Variants in CACNA2D1 observed in about 807,000 individuals in gnomAD.
The protein encoded by CACNA2D1 is voltage-dependent calcium channel subunit alpha-2/delta-1.
Under a neutral mutation model 171.5 loss-of-function variants are expected in CACNA2D1, and 53 were observed. The ratio of observed to expected loss-of-function variants is 0.31; its 90% CI spans 0.25 to 0.39. CACNA2D1 has a LOEUF of 0.39. Among genes scored for constraint, CACNA2D1 ranks in the 10% least tolerant of loss-of-function variants. The probability of loss-of-function intolerance (pLI) is 1.00; values close to 1 mark genes in which losing one functional copy is unlikely to be tolerated. For synonymous variants in CACNA2D1, 442 were observed against 443.1 expected (o/e 1.00, Z 0.03); for missense variants, 903 against 1,299.8 (o/e 0.69, Z 4.69).
chr7:81,971,705 A>C (rs575019994), intron 26 of CACNA2D1, 72 bp downstream of exon 26: 1 of 845,384 alleles, frequency 1.2e-6, no homozygotes, highest in African/African-American at 1.7e-5. Flanking sequence ...TGAGATTCAT[A>C]CCCAATTTCC....
chr7:82,040,265 G>A (rs1038941408), intron 10 of CACNA2D1, among the ~76,000 whole-genome samples: 6 of 152,058 alleles, frequency 3.9e-5, no homozygotes, highest in Non-Finnish European at 8.8e-5. Flanking sequence ...TTCTGACATG[G>A]GCATCTGGAA....
intron 1 of CACNA2D1, among the ~76,000 whole-genome samples, chr7:82,355,069 C>G (rs1409611585): frequency 6.6e-6 from 1 of 151,864 alleles, no homozygotes; most frequent in Non-Finnish European, 1.5e-5. Flanking sequence ...GCATTTTTTG[C>G]CTGATAACTT....
intron 3 of CACNA2D1, among the ~76,000 whole-genome samples, chr7:82,332,932 G>A (rs770473062): frequency 9.2e-5 from 14 of 152,202 alleles, no homozygotes; most frequent in Admixed American, 2.0e-4. Flanking sequence ...CCAGCAGGTC[G>A]AGGCTGCAGT....
intron 5 of CACNA2D1, among the ~76,000 whole-genome samples, chr7:82,135,323 CA>C (rs1791478234): frequency 6.6e-6 from 1 of 151,916 alleles, no homozygotes; most frequent in Non-Finnish European, 1.5e-5. Flanking sequence ...AACATCTCTT[CA>C]AAAATGGTAC....
chr7:82,204,342 G>A (rs1799798039), intron 3 of CACNA2D1, among the ~76,000 whole-genome samples: 3 of 152,328 alleles, frequency 2.0e-5, no homozygotes, highest in African/African-American at 7.2e-5. Context: ...AAAGTAACTA[G>A]TTGGTCACAG....
chr7:81,953,857 T>C (rs1792894187), intron 38 of CACNA2D1, among the ~76,000 whole-genome samples: 1 of 152,142 alleles, frequency 6.6e-6, no homozygotes. Context: ...AATATTCTCT[T>C]TGGCCCTTAT....
chr7:82,219,087 C>G (rs754742052), intron 3 of CACNA2D1, among the ~76,000 whole-genome samples: 3 of 152,004 alleles, frequency 2.0e-5, no homozygotes, highest in Non-Finnish European at 4.4e-5. Flanking sequence ...TTCACTTGTA[C>G]AGTGGTATAG....
At chr7:82,306,241 T>C (rs1443980545) in intron 3 of CACNA2D1, among the ~76,000 whole-genome samples, 2 of 152,124 alleles carry the variant, frequency 1.3e-5, no homozygotes, top group Middle Eastern at 3.2e-3. Flanking sequence ...TGGCATGATT[T>C]TGGGGTCATG....
intron 5 of CACNA2D1, among the ~76,000 whole-genome samples, chr7:82,127,232 T>C (rs1416448128): frequency 6.6e-6 from 1 of 152,238 alleles, no homozygotes; most frequent in Non-Finnish European, 1.5e-5. Flanking sequence ...CACTCTCATC[T>C]GCATCCAATC....
At chr7:82,040,392 C>T (rs1311229401) in intron 10 of CACNA2D1, among the ~76,000 whole-genome samples, 2 of 113,286 alleles carry the variant, frequency 1.8e-5, no homozygotes, top group Admixed American at 1.1e-4. Context: ...GTGTACATGT[C>T]AAGAAATGAT....
At chr7:82,359,483 A>G (rs1371667220) in intron 1 of CACNA2D1, among the ~76,000 whole-genome samples, 1 of 152,184 alleles carries the variant, frequency 6.6e-6, no homozygotes, top group Non-Finnish European at 1.5e-5. Context: ...CATATAGATC[A>G]GTATCTCCAG....
chr7:81,959,260 G>A lies in CACNA2D1; in HGVS notation c.3159+15C>T, dbSNP rs776730999. 36 of 1,544,686 alleles carry A rather than the reference G, an allele frequency of 2.3e-5. No individual in the cohort carries two copies. The highest frequency in any genetic ancestry group is 8.9e-5 in the South Asian group (8 of 89,738). On this transcript the variant is annotated intron_variant, in intron 38 of 38. Coordinates refer to ENST00000356860, the MANE Select transcript of CACNA2D1 (RefSeq NM_000722.4). ...TAATTTATAGTATTTTAATCCAGTA[G>A]AAGTGTGATCTTACCAAGACATTGT...
At chr7:82,427,154 G>A (rs1002719949) in intron 1 of CACNA2D1, among the ~76,000 whole-genome samples, 2 of 152,146 alleles carry the variant, frequency 1.3e-5, no homozygotes, top group Admixed American at 1.3e-4. Flanking sequence ...CCTTCAATCA[G>A]ATACAAAAAG....
Position 82,106,787 on chromosome 7 carries a change from A to C in CACNA2D1, c.526+10257T>G, listed in dbSNP as rs757182369. ...TATCAGCTCTGAGAAGTACTTGTGG[A>C]AAAATATATGATATGATATTCCTTT... is the stretch of plus-strand genomic sequence containing the variant. On this transcript the variant is annotated intron_variant, in intron 6 of 38. Transcript: ENST00000356860. Among the ~76,000 whole-genome samples the C allele has an allele frequency of 5.3e-5, 8 of 152,304 alleles. No homozygotes were observed. The South Asian group carries it at 1.0e-3, about 20-fold the overall frequency.
At chr7:82,020,061 A>G (rs995622038) in intron 12 of CACNA2D1, among the ~76,000 whole-genome samples, 1 of 152,200 alleles carries the variant, frequency 6.6e-6, no homozygotes, top group South Asian at 2.1e-4. Context: ...GTAATAAATA[A>G]AAGTGTCCAA....
chr7:81,951,808 A>G (rs562145359), intron 38 of CACNA2D1, among the ~76,000 whole-genome samples: 15 of 152,116 alleles, frequency 9.9e-5, no homozygotes, highest in African/African-American at 3.6e-4. Flanking sequence ...TGCATGCGCA[A>G]GTGTCTTTTT....
chr7:82,148,463 TAGGAAA>T (rs1793409653), intron 4 of CACNA2D1, among the ~76,000 whole-genome samples: 2 of 152,012 alleles, frequency 1.3e-5, no homozygotes, highest in Non-Finnish European at 2.9e-5. Context: ...CAGTTATAGG[TAGGAAA>T]CAGTGGGAGA....
chr7:81,976,405 T>G (rs1477099716), intron 24 of CACNA2D1, among the ~76,000 whole-genome samples: 2 of 152,224 alleles, frequency 1.3e-5, no homozygotes. Flanking sequence ...GTTTTTGTCT[T>G]CTCTTACTTC....
intron 15 of CACNA2D1, chr7:82,009,227 T>G (rs898269482): frequency 1.3e-5 from 2 of 152,140 alleles, no homozygotes; most frequent in Non-Finnish European, 2.9e-5. Context: ...CGCCATGATT[T>G]TAAGTTTCCT....
Sources: gnomAD v4.1 joint callset for allele counts (sites outside exome capture counted in the v4.1 genomes callset) on GRCh38, gnomAD v4.1.1 for gene constraint, MANE v1.5 for transcripts, NCBI Gene and HGNC (gene_info 2026-07-23, HGNC 2026-07-21) for gene names.